The following EPHA6 variants were observed in gnomAD, a reference collection of about 807,000 sequenced individuals.
EPHA6 encodes ephrin type-A receptor 6.
In EPHA6, 50 loss-of-function variants were observed where a neutral mutation model predicts 112.0. The observed-to-expected ratio is 0.45, with a 90% CI of 0.36 to 0.56. The LOEUF is 0.56. EPHA6 is among the 20% of genes least tolerant of loss of function. EPHA6 has a pLI of 0.00. For missense variants in EPHA6, 1,280 were observed against 1,417.4 expected, an observed-to-expected ratio of 0.90 and a Z score of 1.56; for synonymous variants, 529 against 490.7, an observed-to-expected ratio of 1.08 and a Z score of -1.03.
At chr3:97,007,327 T>A (rs2043918490) in intron 3 of EPHA6, among the ~76,000 whole-genome samples, 1 of 152,242 alleles carries the variant, frequency 6.6e-6, no homozygotes, top group Non-Finnish European at 1.5e-5. Context: ...TTAGCTCTTC[T>A]TGTTGAATTA....
chr3:97,719,953 C>T (rs934993142), intron 14 of EPHA6, among the ~76,000 whole-genome samples: 3 of 152,086 alleles, frequency 2.0e-5, no homozygotes, highest in Admixed American at 6.5e-5. Context: ...TAATCTGGAA[C>T]TTTCTTCAAA....
chr3:97,403,337 CTG>C (rs1172281752), intron 5 of EPHA6, among the ~76,000 whole-genome samples: 1 of 152,064 alleles, frequency 6.6e-6, no homozygotes. Flanking sequence ...TGTTAAATCA[CTG>C]TGTTTAAAGC....
chr3:97,004,758 G>GT (rs1457710445), intron 3 of EPHA6, among the ~76,000 whole-genome samples: 1 of 152,130 alleles, frequency 6.6e-6, no homozygotes, highest in Admixed American at 6.6e-5. Context: ...TTCTTATAGG[G>GT]TTTTTATGGT....
At chr3:97,150,650 A>G (rs1416793247) in intron 3 of EPHA6, among the ~76,000 whole-genome samples, 1 of 152,244 alleles carries the variant, frequency 6.6e-6, no homozygotes, top group East Asian at 1.9e-4. Context: ...TCTCTGATCC[A>G]GGGATCTCAT....
chr3:97,511,592 C>T (rs1269478781), intron 10 of EPHA6, among the ~76,000 whole-genome samples: 2 of 152,138 alleles, frequency 1.3e-5, no homozygotes, highest in African/African-American at 2.4e-5. Flanking sequence ...ATGTTGATCT[C>T]GCTGGGAGCT....
intron 2 of EPHA6, among the ~76,000 whole-genome samples, chr3:96,928,323 G>C (rs1427364587): frequency 1.3e-5 from 2 of 152,080 alleles, no homozygotes; most frequent in Non-Finnish European, 2.9e-5. Context: ...TGGTATATTA[G>C]CTGTTTGTTA....
chr3:97,659,167 T>A (rs985148750), intron 14 of EPHA6, among the ~76,000 whole-genome samples: 2 of 151,926 alleles, frequency 1.3e-5, no homozygotes. Context: ...TCTGATTTAG[T>A]CAGTGTTTCC....
chr3:97,650,183 A>G (rs1232278847), intron 14 of EPHA6, among the ~76,000 whole-genome samples: 2 of 152,134 alleles, frequency 1.3e-5, no homozygotes, highest in African/African-American at 4.8e-5. Context: ...AGTCTTCTCC[A>G]ATAACTGTTT....
At chr3:97,397,247 C>G (rs2086745889) in intron 5 of EPHA6, among the ~76,000 whole-genome samples, 1 of 151,418 alleles carries the variant, frequency 6.6e-6, no homozygotes. Flanking sequence ...TTTTTAGCAT[C>G]AGAGATAAAA....
At chr3:97,259,543 A>G (rs933147561) in intron 5 of EPHA6, among the ~76,000 whole-genome samples, 10 of 152,136 alleles carry the variant, frequency 6.6e-5, no homozygotes, top group Admixed American at 2.0e-4. Flanking sequence ...ATTTTTCTCA[A>G]TGTATTTTAT....
At position 96,987,503 on chromosome 3, in the gene EPHA6, C is replaced by T. The variant is rs199732942; in HGVS notation, c.624C>T (p.Ile208=). The part of the protein sequence containing the change: ...MKFTLRDCNS[I]PWVLGTCKET... ...TCACACTAAGGGATTGTAACAGCAT[C>T]CCATGGGTCTTGGGGACTTGCAAAG... Residue 208 remains isoleucine (I), a synonymous_variant, in exon 3 of 18, where the codon ATC becomes ATT. Coordinates refer to ENST00000389672, the MANE Select transcript of EPHA6 (RefSeq NM_001080448.3). The T allele has an allele frequency of 6.2e-7, 1 of 1,613,834 alleles. No homozygotes were observed.
At chr3:97,075,953 G>A (rs1216691335) in intron 3 of EPHA6, among the ~76,000 whole-genome samples, 3 of 151,902 alleles carry the variant, frequency 2.0e-5, no homozygotes, top group Non-Finnish European at 2.9e-5. Flanking sequence ...TGTGTATTCT[G>A]ACTACTCTAC....
intron 7 of EPHA6, among the ~76,000 whole-genome samples, chr3:97,472,168 G>A (rs1293509258): frequency 1.3e-5 from 2 of 151,644 alleles, no homozygotes; most frequent in African/African-American, 4.8e-5. Context: ...GGGAAAGGCT[G>A]TCACCATTCA....
intron 10 of EPHA6, among the ~76,000 whole-genome samples, chr3:97,484,424 T>C (rs956284643): frequency 6.6e-6 from 1 of 152,212 alleles, no homozygotes. Context: ...CATGAGCCTC[T>C]GCAAGACACA....
intron 14 of EPHA6, among the ~76,000 whole-genome samples, chr3:97,696,653 T>C (rs1286630614): frequency 6.6e-6 from 1 of 152,164 alleles, no homozygotes; most frequent in Non-Finnish European, 1.5e-5. Flanking sequence ...TGTATTCTTC[T>C]AGCAAAAACA....
chr3:96,891,068 G>C (rs2037930889), intron 2 of EPHA6, among the ~76,000 whole-genome samples: 1 of 152,112 alleles, frequency 6.6e-6, no homozygotes, highest in South Asian at 2.1e-4. Context: ...CTGGGTGACA[G>C]AGTGAAAGAG....
chr3:97,659,418 A>G (rs2094155937), intron 14 of EPHA6, among the ~76,000 whole-genome samples: 1 of 151,986 alleles, frequency 6.6e-6, no homozygotes, highest in African/African-American at 2.4e-5. Context: ...GCTTTTGAGA[A>G]CATTGAAGAG....
At chr3:97,462,900 G>A (rs1008198779) in intron 7 of EPHA6, among the ~76,000 whole-genome samples, 2 of 152,082 alleles carry the variant, frequency 1.3e-5, no homozygotes, top group South Asian at 4.1e-4. Context: ...CCTTTGGCAC[G>A]TGCCTCTTTT....
At chr3:97,520,055 C>T (rs930537311) in intron 10 of EPHA6, among the ~76,000 whole-genome samples, 3 of 150,544 alleles carry the variant, frequency 2.0e-5, no homozygotes, top group African/African-American at 7.4e-5. Context: ...GCAAGCTCTG[C>T]CTCCCGGGTT....
Sources: gnomAD v4.1 joint callset for allele counts (sites outside exome capture counted in the v4.1 genomes callset) on GRCh38, gnomAD v4.1.1 for gene constraint, MANE v1.5 for transcripts, NCBI Gene and HGNC (gene_info 2026-07-23, HGNC 2026-07-21) for gene names.